Variants in PPFIA1 observed in about 807,000 individuals in gnomAD.
PPFIA1 encodes the protein PPFI scaffold protein A1.
A neutral mutation model predicts 149.9 loss-of-function variants in PPFIA1; 25 were observed. The ratio of observed to expected loss-of-function variants is 0.17; its 90% CI spans 0.12 to 0.23. The LOEUF (loss-of-function observed/expected upper bound fraction) is 0.23. Among genes scored for constraint, PPFIA1 ranks in the 10% least tolerant of loss-of-function variants. The probability of loss-of-function intolerance (pLI) is 1.00; values close to 1 mark genes in which losing one functional copy is unlikely to be tolerated. For missense variants in PPFIA1, 1,362 were observed against 1,506.5 expected (o/e 0.90, Z 1.59); for synonymous variants, 549 against 552.8 (o/e 0.99, Z 0.10).
chr11:70,295,096 G>A (rs891248468), intron 2 of PPFIA1, among the ~76,000 whole-genome samples: 12 of 152,114 alleles, frequency 7.9e-5, no homozygotes, highest in Admixed American at 5.9e-4. Context: ...GGTGGTGGCC[G>A]GGCAGAGGGG....
At chr11:70,276,029 A>G (rs957379052) in intron 2 of PPFIA1, among the ~76,000 whole-genome samples, 4 of 152,208 alleles carry the variant, frequency 2.6e-5, no homozygotes, top group Non-Finnish European at 5.9e-5. Flanking sequence ...ATGAGCAGGT[A>G]TTAAATTTCT....
At chr11:70,292,191 C>T (rs545056732) in intron 2 of PPFIA1, among the ~76,000 whole-genome samples, 42 of 152,228 alleles carry the variant, frequency 2.8e-4, no homozygotes, top group Middle Eastern at 3.4e-3. Context: ...CCCATGTTTC[C>T]CAGGCTGTTC....
intron 2 of PPFIA1, among the ~76,000 whole-genome samples, chr11:70,274,556 A>G (rs1199257195): frequency 6.6e-6 from 1 of 152,186 alleles, no homozygotes; most frequent in South Asian, 2.1e-4. Flanking sequence ...TGTCGTCAGC[A>G]TCATGTTTGT....
Position 70,326,639 on chromosome 11 carries a change from A to G in PPFIA1, c.751A>G (p.Lys251Glu). The G allele has an allele frequency of 6.2e-7, 1 of 1,614,178 alleles. No homozygotes were observed. The change falls in exon 7 of 28, where the codon AAA (lysine) becomes GAA (glutamate). Residue 251 changes from lysine to glutamate, a missense_variant. This residue lies in a region of PPFIA1 where 733 missense variants were observed against 744.1 expected (regional missense o/e 0.99). Coordinates refer to ENST00000253925, the MANE Select transcript of PPFIA1 (RefSeq NM_003626.5). ...GSLSHEEDLAKVIELQEIISK... is the reference protein window; with the variant it reads ...GSLSHEEDLAEVIELQEIISK... ...TTTAAGCCACGAGGAAGACCTTGCT[A>G]AAGTAATTGAGCTCCAAGAAATCAT...
In PPFIA1 at chr11:70,343,008, C is replaced by T. The variant is rs2055444536; in HGVS notation, c.1708-661C>T. The stretch of plus-strand genomic sequence containing the variant: ...TGTCGCCCAGGCTGGAGTGCAGTGG[C>T]GCGACCTGGACTCATTGCAACTTCC... On this transcript the variant is annotated intron_variant, in intron 14 of 27. Coordinates refer to ENST00000253925, the MANE Select transcript of PPFIA1 (RefSeq NM_003626.5). Among the ~76,000 whole-genome samples, 3 of 123,550 alleles carry T rather than the reference C, an allele frequency of 2.4e-5. No homozygotes were observed. The South Asian group carries it at 8.5e-4, about 35-fold the overall frequency. 81.1% of individuals were successfully genotyped at this position (123,550 alleles called of 152,430 possible).
In PPFIA1 at chr11:70,347,831, G is replaced by A. The variant is rs570739742; in HGVS notation, c.1932-358G>A. ...AGCCTGGCCAACATGGTGAAACCCC[G>A]TGTCTACTAAAAATACGAAAAATTA... On this transcript the variant is annotated intron_variant, in intron 15 of 27. Transcript: ENST00000253925. Among the ~76,000 whole-genome samples, 6 of 151,840 alleles carry A rather than the reference G, an allele frequency of 4.0e-5. No individual in the cohort carries two copies. The East Asian group carries it at 9.7e-4, about 25-fold the overall frequency.
intron 15 of PPFIA1, among the ~76,000 whole-genome samples, chr11:70,344,904 C>G (rs1457937685): frequency 6.6e-6 from 1 of 152,246 alleles, no homozygotes. Context: ...CTCCTGTGAG[C>G]ACAGGAGCAG....
chr11:70,329,263 A>G (rs1403632985), intron 7 of PPFIA1, among the ~76,000 whole-genome samples: 2 of 152,144 alleles, frequency 1.3e-5, no homozygotes, highest in Non-Finnish European at 2.9e-5. Flanking sequence ...TTGAGTGTAT[A>G]TATTTTTATA....
chr11:70,302,955 C>T (rs1218962279), intron 2 of PPFIA1, among the ~76,000 whole-genome samples: 1 of 152,038 alleles, frequency 6.6e-6, no homozygotes, highest in African/African-American at 2.4e-5. Context: ...ATACGTAGAC[C>T]TTTGATTCCT....
At chr11:70,312,824 G>GGCTT (rs2053374407) in intron 2 of PPFIA1, among the ~76,000 whole-genome samples, 1 of 152,202 alleles carries the variant, frequency 6.6e-6, no homozygotes, top group African/African-American at 2.4e-5. Context: ...CACAGGTCTG[G>GGCTT]GCTTCTGCTT....
intron 24 of PPFIA1, chr11:70,375,341 T>C (rs1386749782): frequency 2.1e-5 from 7 of 326,552 alleles, no homozygotes; most frequent in African/African-American, 1.5e-4. Flanking sequence ...ATCAGAAGAG[T>C]GACATATATT....
At chr11:70,361,727 C>CGGAA (rs938860425) in intron 19 of PPFIA1, among the ~76,000 whole-genome samples, 7 of 151,606 alleles carry the variant, frequency 4.6e-5, no homozygotes, top group African/African-American at 1.7e-4. Flanking sequence ...GCAATCCTTC[C>CGGAA]ACCTCAGCCT....
Position 70,356,221 on chromosome 11 carries a change from G to A in PPFIA1, c.2549G>A (p.Gly850Glu), listed in dbSNP as rs762154302. 6.2e-7 allele frequency: 1 copy of A among 1,613,492 alleles called. No individual in the cohort carries two copies. Residue 850 changes from glycine (G) to glutamate (E), a missense_variant, in exon 19 of 28, where the codon GGA (glycine) becomes GAA (glutamate). By Grantham distance (98) the Gly-to-Glu change is moderately conservative (BLOSUM62 -2). Transcript: ENST00000253925. ...GCCTTGGGACTTAGCAAATTGGGGGGACAGGCTGAAAAAAATCGTAAACTT... is the reference window on the plus strand; with the variant it reads ...GCCTTGGGACTTAGCAAATTGGGGGAACAGGCTGAAAAAAATCGTAAACTT... ...QDALGLSKLG[G>E]QAEKNRKLQK...
intron 14 of PPFIA1, 91 bp from the exon 15 acceptor site, chr11:70,343,578 C>A: frequency 8.5e-7 from 1 of 1,174,540 alleles, no homozygotes; most frequent in Non-Finnish European, 1.2e-6. Flanking sequence ...TTTGGGCTTT[C>A]ATTAAAGAAT....
chr11:70,330,338 C>T lies in PPFIA1; in HGVS notation c.1077+19C>T, dbSNP rs1459556036. On this transcript the variant is annotated intron_variant, in intron 8 of 27. Transcript: ENST00000253925. ...TCGACAGGTAATGGATTTTATCGAC[C>T]TTTGTCTGGCTTTAGTTAATTATTA... 10 of 1,538,674 alleles carry T rather than the reference C, an allele frequency of 6.5e-6. No individual in the cohort carries two copies. Among genetic ancestry groups the T allele is most frequent in the South Asian group, 1.2e-5 (1 of 80,258 alleles).
At chr11:70,272,115 A>G (rs1350587289) in intron 1 of PPFIA1, 58 bp from the exon 2 acceptor site, 3 of 1,547,336 alleles carry the variant, frequency 1.9e-6, no homozygotes, top group African/African-American at 2.8e-5. Flanking sequence ...AAAGTTGCAT[A>G]TTTGTGGGAA....
intron 27 of PPFIA1, among the ~76,000 whole-genome samples, chr11:70,382,496 T>C (rs1463825125): frequency 6.8e-6 from 1 of 146,610 alleles, no homozygotes; most frequent in Non-Finnish European, 1.5e-5. Flanking sequence ...CAGGGGAGAG[T>C]CTCTCCTCCT....
rs747838106 is a variant in PPFIA1 at position 70,348,250 on chromosome 11, G to A, written c.1993G>A (p.Gly665Ser). Reference sequence around the variant, plus strand: ...GGCAGAGGAGATTGAAAGTCGAGTTGGCAGTGGAAGTCTAGACAATCTTGG... The same window carrying A: ...GGCAGAGGAGATTGAAAGTCGAGTTAGCAGTGGAAGTCTAGACAATCTTGG... ...QRAEEIESRVGSGSLDNLGRF... is the reference protein window; with the variant it reads ...QRAEEIESRVSSGSLDNLGRF... The change falls in exon 16 of 28, where the codon GGC (glycine) becomes AGC (serine). Residue 665 changes from glycine to serine, a missense_variant. This residue lies in a region of PPFIA1 where 733 missense variants were observed against 744.1 expected (regional missense o/e 0.99). Transcript: ENST00000253925. 1.2e-6 allele frequency: 2 copies of A among 1,614,058 alleles called. No homozygotes were observed. Among genetic ancestry groups the A allele is most frequent in the East Asian group, 2.2e-5 (1 of 44,882 alleles).
At chr11:70,297,989 G>A (rs759440470) in intron 2 of PPFIA1, among the ~76,000 whole-genome samples, 1 of 152,150 alleles carries the variant, frequency 6.6e-6, no homozygotes, top group Non-Finnish European at 1.5e-5. Flanking sequence ...GAGCAGTTTC[G>A]CATTCGCTTA....
Sources: gnomAD v4.1 joint callset for allele counts (sites outside exome capture counted in the v4.1 genomes callset) on GRCh38, gnomAD v4.1.1 for gene constraint, gnomAD v4.1.1 regional missense constraint, MANE v1.5 for transcripts, NCBI Gene and HGNC (gene_info 2026-07-23, HGNC 2026-07-21) for gene names.